HIP1: variants seen among roughly 807,000 people sequenced by gnomAD.
The protein encoded by HIP1 is huntingtin-interacting protein 1.
HIP1 carries 65 observed loss-of-function variants against 147.6 expected under a neutral mutation model. The ratio of observed to expected loss-of-function variants is 0.44; its 90% confidence interval spans 0.36 to 0.54. HIP1 has a LOEUF of 0.54. Among genes scored for constraint, HIP1 ranks in the 20% least tolerant of loss-of-function variants. HIP1 has a pLI of 0.00. For synonymous variants in HIP1, 479 were observed against 504.0 expected, an observed-to-expected ratio of 0.95 and a Z score of 0.67; for missense variants, 1,061 against 1,299.6, an observed-to-expected ratio of 0.82 and a Z score of 2.82.
In HIP1 at chr7:75,568,159, T is replaced by C; in HGVS notation, c.803+40A>G. The C allele has an allele frequency of 2.1e-6, 3 of 1,417,436 alleles. No individual in the cohort carries two copies. Among genetic ancestry groups the C allele is most frequent in the Non-Finnish European group, 3.0e-6 (3 of 1,000,744 alleles). The allele number at this position is 1,417,436 out of a possible 1,614,324, so 87.8% of individuals were successfully genotyped here. On this transcript the variant is annotated intron_variant, in intron 9 of 30. Coordinates refer to ENST00000336926, the MANE Select transcript of HIP1 (RefSeq NM_005338.7). This position sits in a 1 kb window ranked among gnomAD's most constrained non-coding sequence, Gnocchi z 4.1. ...GCATGGCTTAATGATTTTATAGCGC[T>C]CTTGAATTCACCTCCATTCCTGTTA...
At chr7:75,620,211 C>A (rs1461592515) in intron 1 of HIP1, among the ~76,000 whole-genome samples, 1 of 151,428 alleles carries the variant, frequency 6.6e-6, no homozygotes, top group Non-Finnish European at 1.5e-5. Flanking sequence ...CATGGTGAAA[C>A]CCTGTCTCTA....
chr7:75,561,235 T>A, intron 13 of HIP1, 94 bp downstream of exon 13: 1 of 934,292 alleles, frequency 1.1e-6, no homozygotes. Context: ...ATTACAGGTG[T>A]GAGCCACTGT....
At chr7:75,566,551 G>A (rs1795409197) in intron 9 of HIP1, among the ~76,000 whole-genome samples, 2 of 151,522 alleles carry the variant, frequency 1.3e-5, no homozygotes, top group Admixed American at 6.6e-5. Flanking sequence ...GCTAACTTCC[G>A]GATGTTGCCA....
At chr7:75,548,000 C>T (rs1794636056) in intron 23 of HIP1, among the ~76,000 whole-genome samples, 187 bp from the exon 24 acceptor site, 1 of 152,008 alleles carries the variant, frequency 6.6e-6, no homozygotes, top group Admixed American at 6.6e-5. Context: ...AGGGGGAGTG[C>T]AGCTGCAGTG....
At chr7:75,730,352 T>C (rs1801798762) in intron 1 of HIP1, among the ~76,000 whole-genome samples, 1 of 151,752 alleles carries the variant, frequency 6.6e-6, no homozygotes, top group South Asian at 2.1e-4. Context: ...TTTTTTTTTT[T>C]TTTTGAGACG....
chr7:75,663,435 G>A (rs1486680684), intron 1 of HIP1, among the ~76,000 whole-genome samples: 1 of 152,112 alleles, frequency 6.6e-6, no homozygotes, highest in Non-Finnish European at 1.5e-5. Flanking sequence ...CTGCACTCCA[G>A]CCTGGGTGAC....
chr7:75,699,051 A>T (rs1324715043), intron 1 of HIP1, among the ~76,000 whole-genome samples: 1 of 152,038 alleles, frequency 6.6e-6, no homozygotes, highest in Admixed American at 6.6e-5. Context: ...TTACCTATTT[A>T]AAAAATGAAA....
intron 1 of HIP1, among the ~76,000 whole-genome samples, chr7:75,698,070 C>A (rs553297737): frequency 1.3e-5 from 2 of 152,130 alleles, no homozygotes; most frequent in Non-Finnish European, 2.9e-5. Flanking sequence ...CTCAAGTGAT[C>A]CTCCCAGCTA....
At chr7:75,682,267 T>C (rs1445423810) in intron 1 of HIP1, among the ~76,000 whole-genome samples, 4 of 151,942 alleles carry the variant, frequency 2.6e-5, no homozygotes, top group Admixed American at 6.6e-5. Context: ...ATCATCATTT[T>C]TTTTTAAGAG....
intron 7 of HIP1, among the ~76,000 whole-genome samples, chr7:75,579,837 T>C (rs960040930): frequency 2.0e-5 from 3 of 152,168 alleles, no homozygotes; most frequent in Non-Finnish European, 4.4e-5. Flanking sequence ...GGCTTGGGCA[T>C]GAGACCACCA....
intron 1 of HIP1, among the ~76,000 whole-genome samples, chr7:75,708,918 T>C (rs1554519922): frequency 6.6e-6 from 1 of 152,110 alleles, no homozygotes; most frequent in African/African-American, 2.4e-5. Context: ...TGATAGAGAT[T>C]GCAATAAATC....
At chr7:75,614,659 T>A (rs1183248151) in intron 1 of HIP1, among the ~76,000 whole-genome samples, 4 of 152,156 alleles carry the variant, frequency 2.6e-5, no homozygotes, top group Non-Finnish European at 4.4e-5. Context: ...TTGCACGACA[T>A]AGCGAATGTG....
At position 75,536,368 on chromosome 7, in the gene HIP1, G is replaced by A. The variant is rs1794085531; in HGVS notation, c.*1804C>T. ...GGGGAGGGGGGTGGGCTAGGGAGATGGGGGTTGGTTCACAGTGATCAAACA... is the reference window on the plus strand; with the variant it reads ...GGGGAGGGGGGTGGGCTAGGGAGATAGGGGTTGGTTCACAGTGATCAAACA... On this transcript the variant is annotated 3_prime_UTR_variant, in exon 31 of 31. Transcript: ENST00000336926. The A allele has an allele frequency of 4.6e-6, 1 of 217,004 alleles. No individual in the cohort carries two copies. Among genetic ancestry groups the A allele is most frequent in the South Asian group, 1.9e-4 (1 of 5,324 alleles). The allele number at this position is 217,004 out of a possible 1,614,324, so 13.4% of individuals were successfully genotyped here.
chr7:75,657,479 G>A (rs1414289832), intron 1 of HIP1, among the ~76,000 whole-genome samples: 9 of 146,532 alleles, frequency 6.1e-5, no homozygotes, highest in Non-Finnish European at 8.9e-5. Flanking sequence ...GCAGTGAGCC[G>A]AGATCCCGCC....
chr7:75,544,204 G>A (rs1249724394), intron 27 of HIP1, among the ~76,000 whole-genome samples: 2 of 149,932 alleles, frequency 1.3e-5, no homozygotes, highest in Admixed American at 1.3e-4. Flanking sequence ...TCTGTAAGAG[G>A]ATAGTATGGG....
intron 8 of HIP1, 48 bp downstream of exon 8, chr7:75,573,713 C>T (rs1379385769): frequency 1.9e-6 from 3 of 1,582,048 alleles, no homozygotes; most frequent in Non-Finnish European, 2.6e-6. Context: ...CTGGGATCCT[C>T]CCTCTGGCCT....
chr7:75,678,407 A>G (rs1350845685), intron 1 of HIP1, among the ~76,000 whole-genome samples: 4 of 145,906 alleles, frequency 2.7e-5, no homozygotes, highest in African/African-American at 5.2e-5. Context: ...ACGGTGGCAC[A>G]ATCTCAGCTC....
chr7:75,595,728 T>A (rs1554501864), intron 2 of HIP1, among the ~76,000 whole-genome samples: 1 of 151,666 alleles, frequency 6.6e-6, no homozygotes, highest in African/African-American at 2.4e-5. Context: ...ATGCCCCAAG[T>A]ATGTGTCAAA....
intron 1 of HIP1, among the ~76,000 whole-genome samples, chr7:75,659,689 G>A (rs566768826): frequency 6.6e-6 from 1 of 152,158 alleles, no homozygotes; most frequent in East Asian, 1.9e-4. Context: ...AGGTAGGCAA[G>A]AACAAGACTA....
Sources: gnomAD v4.1 joint callset for allele counts (sites outside exome capture counted in the v4.1 genomes callset) on GRCh38, gnomAD v4.1.1 for gene constraint, Gnocchi (gnomAD v3.1) non-coding constraint, MANE v1.5 for transcripts, NCBI Gene and HGNC (gene_info 2026-07-23, HGNC 2026-07-21) for gene names.